The following CNTN4 variants were observed in gnomAD, a reference collection of about 807,000 sequenced individuals.
CNTN4 encodes the protein contactin-4.
Under a neutral mutation model 122.5 loss-of-function variants are expected in CNTN4, and 77 were observed. That is an observed-to-expected ratio of 0.63 (90% CI 0.52 to 0.76). The LOEUF is 0.76. Ranked by LOEUF, CNTN4 falls within the 30% of genes least tolerant of loss-of-function variation. The pLI is 0.00. For synonymous variants in CNTN4, 512 were observed against 447.0 expected, an observed-to-expected ratio of 1.15 and a Z score of -1.83; for missense variants, 1,256 against 1,259.1, an observed-to-expected ratio of 1.00 and a Z score of 0.04.
At position 2,963,219 on chromosome 3, in the gene CNTN4, C is replaced by G. The variant is rs144538708; in HGVS notation, c.1359-25126C>G. Among the ~76,000 whole-genome samples, 98 of 152,284 alleles carry G rather than the reference C, an allele frequency of 6.4e-4. No individual in the cohort carries two copies. The East Asian group carries it at 0.015, about 23-fold the overall frequency. On this transcript the variant is annotated intron_variant, in intron 13 of 24. Transcript: ENST00000418658. The stretch of plus-strand genomic sequence containing the variant: ...CTTCCTGTGCCTAGAATGCACTCTT[C>G]TACTTTCTGTTATTGCCTAGTTAAC...
chr3:2,368,017 G>A (rs367582110), intron 3 of CNTN4, among the ~76,000 whole-genome samples: 18 of 146,758 alleles, frequency 1.2e-4, no homozygotes, highest in African/African-American at 4.3e-4. Flanking sequence ...TCCAAATACA[G>A]CTAGAAAACT....
At chr3:2,869,333 G>A (rs753039188) in intron 8 of CNTN4, among the ~76,000 whole-genome samples, 2 of 152,020 alleles carry the variant, frequency 1.3e-5, no homozygotes, top group Admixed American at 6.6e-5. Context: ...GTGAAACTAG[G>A]GGGTAACAGC....
intron 6 of CNTN4, among the ~76,000 whole-genome samples, chr3:2,798,367 A>ATCTATCTATCTATCTATCTG (rs2092260315): frequency 6.8e-6 from 1 of 146,308 alleles, no homozygotes; most frequent in Non-Finnish European, 1.5e-5. Context: ...ACACACATAA[A>ATCTATCTATCTATCTATCTG]TCTATCTATC....
chr3:2,457,678 G>A (rs894530400), intron 3 of CNTN4, among the ~76,000 whole-genome samples: 6 of 152,160 alleles, frequency 3.9e-5, no homozygotes, highest in Admixed American at 6.6e-5. Flanking sequence ...TCCTTTTCTC[G>A]TGATCTGCTA....
intron 3 of CNTN4, among the ~76,000 whole-genome samples, chr3:2,522,581 T>C (rs2077260460): frequency 6.6e-6 from 1 of 152,118 alleles, no homozygotes; most frequent in Non-Finnish European, 1.5e-5. Flanking sequence ...ACGCACTATT[T>C]CAATGACCGA....
intron 2 of CNTN4, among the ~76,000 whole-genome samples, chr3:2,238,234 T>G (rs1213090491): frequency 2.0e-5 from 3 of 152,160 alleles, no homozygotes; most frequent in Non-Finnish European, 4.4e-5. Flanking sequence ...TATTATCTTC[T>G]AGGAATTGTA....
intron 4 of CNTN4, among the ~76,000 whole-genome samples, chr3:2,716,209 C>G (rs1225207548): frequency 2.0e-5 from 3 of 151,980 alleles, no homozygotes; most frequent in African/African-American, 7.3e-5. Context: ...ATTAAATTCA[C>G]CAAACATATA....
chr3:2,433,977 G>A (rs1027395964), intron 3 of CNTN4, among the ~76,000 whole-genome samples: 1 of 152,140 alleles, frequency 6.6e-6, no homozygotes. Context: ...GAAGTAGAGA[G>A]TGATGGTTAC....
intron 3 of CNTN4, among the ~76,000 whole-genome samples, chr3:2,505,959 T>G (rs1200789699): frequency 6.6e-6 from 1 of 152,138 alleles, no homozygotes; most frequent in African/African-American, 2.4e-5. Flanking sequence ...TATTCCTCTT[T>G]TCACTCCATA....
chr3:2,934,615 G>A (rs892682223), intron 13 of CNTN4, among the ~76,000 whole-genome samples: 4 of 152,234 alleles, frequency 2.6e-5, no homozygotes, highest in Non-Finnish European at 4.4e-5. Flanking sequence ...TTCTGTCTCT[G>A]TTCTGGAGGC....
intron 3 of CNTN4, among the ~76,000 whole-genome samples, chr3:2,356,253 G>C (rs2044867946): frequency 2.0e-5 from 3 of 152,186 alleles, no homozygotes; most frequent in East Asian, 3.9e-4. Context: ...AGGAATAAGA[G>C]AATGGCTACT....
rs1439339760 is a variant in CNTN4, at chr3:2,709,354, A to G, written c.56-26861A>G. Among the ~76,000 whole-genome samples, 1 of 152,168 alleles carries G rather than the reference A, an allele frequency of 6.6e-6. No individual in the cohort carries two copies. Among genetic ancestry groups the G allele is most frequent in the African/African-American group, 2.4e-5 (1 of 41,434 alleles). ...AATCATCTGGGGGTCCTTAAAAAAT[A>G]CTGATGCGTAGGTCTCACGCCTGGT... On this transcript the variant is annotated intron_variant, in intron 4 of 24. Transcript: ENST00000418658. This position sits in a 1 kb window ranked among gnomAD's most constrained non-coding sequence, Gnocchi z 5.0.
chr3:2,266,332 C>CTTA (rs1458344139), intron 2 of CNTN4, among the ~76,000 whole-genome samples: 1 of 152,030 alleles, frequency 6.6e-6, no homozygotes, highest in South Asian at 2.1e-4. Flanking sequence ...CTTCTTTAAC[C>CTTA]ATTTATCAAG....
chr3:2,326,579 A>C (rs2043474782), intron 2 of CNTN4, among the ~76,000 whole-genome samples: 1 of 151,936 alleles, frequency 6.6e-6, no homozygotes, highest in Non-Finnish European at 1.5e-5. Flanking sequence ...AGATTACACA[A>C]ACTGTAAAGG....
chr3:2,610,361 T>C (rs992436870), intron 4 of CNTN4, among the ~76,000 whole-genome samples: 4 of 152,224 alleles, frequency 2.6e-5, no homozygotes, highest in Admixed American at 2.0e-4. Flanking sequence ...AAACACTTTT[T>C]CTAAGTCTTT....
chr3:2,866,617 A>G (rs184253922), intron 7 of CNTN4, 135 bp from the exon 8 acceptor site: 697 of 1,125,484 alleles, frequency 6.2e-4, no homozygotes, highest in Admixed American at 2.3e-3. Flanking sequence ...ATTACTTCCT[A>G]TCTGTATTTA....
chr3:2,753,681 G>A (rs2090202432), intron 6 of CNTN4, among the ~76,000 whole-genome samples: 1 of 152,190 alleles, frequency 6.6e-6, no homozygotes. Flanking sequence ...TCAATCCGTA[G>A]ATTTGGGTGG....
intron 8 of CNTN4, among the ~76,000 whole-genome samples, chr3:2,871,659 C>T (rs1276769384): frequency 2.0e-5 from 3 of 152,108 alleles, no homozygotes; most frequent in Admixed American, 6.6e-5. Flanking sequence ...TCAGAGAATT[C>T]GGATAAGAAA....
chr3:2,763,910 T>C (rs1172814750), intron 6 of CNTN4, among the ~76,000 whole-genome samples: 1 of 152,088 alleles, frequency 6.6e-6, no homozygotes, highest in Admixed American at 6.6e-5. Context: ...TGAAGTTGGG[T>C]AGCATGATGC....
Sources: gnomAD v4.1 joint callset for allele counts (sites outside exome capture counted in the v4.1 genomes callset) on GRCh38, gnomAD v4.1.1 for gene constraint, Gnocchi (gnomAD v3.1) non-coding constraint, MANE v1.5 for transcripts, NCBI Gene and HGNC (gene_info 2026-07-23, HGNC 2026-07-21) for gene names.